UNC79: variants seen among roughly 807,000 people sequenced by gnomAD.
UNC79 encodes unc-79 subunit of NALCN channel complex.
Under a neutral mutation model 283.1 loss-of-function variants are expected in UNC79, and 37 were observed. The ratio of observed to expected loss-of-function variants is 0.13; its 90% CI spans 0.10 to 0.17. The LOEUF is 0.17. Ranked by LOEUF, UNC79 falls within the 10% of genes least tolerant of loss-of-function variation. UNC79 has a pLI of 1.00. For missense variants in UNC79, 2,272 were observed against 3,211.1 expected, an observed-to-expected ratio of 0.71 and a Z score of 7.07; for synonymous variants, 1,107 against 1,200.2, an observed-to-expected ratio of 0.92 and a Z score of 1.61.
chr14:93,455,673 A>G (rs976175813), intron 1 of UNC79, among the ~76,000 whole-genome samples: 1 of 152,184 alleles, frequency 6.6e-6, no homozygotes, highest in Non-Finnish European at 1.5e-5. Flanking sequence ...TTTATTATCT[A>G]CTATGTGCTA....
chr14:93,596,918 A>G (rs1429122621), intron 23 of UNC79, among the ~76,000 whole-genome samples: 1 of 152,162 alleles, frequency 6.6e-6, no homozygotes, highest in Non-Finnish European at 1.5e-5. Context: ...ACCACGACCT[A>G]CTAAGAGTAG....
At chr14:93,489,730 A>C (rs1420712107) in intron 5 of UNC79, among the ~76,000 whole-genome samples, 4 of 152,186 alleles carry the variant, frequency 2.6e-5, no homozygotes, top group Non-Finnish European at 1.5e-5. Context: ...CCTGCATAGC[A>C]GCTTTGCCAT....
At chr14:93,489,766 G>A (rs1055079970) in intron 5 of UNC79, among the ~76,000 whole-genome samples, 13 of 152,218 alleles carry the variant, frequency 8.5e-5, no homozygotes, top group Non-Finnish European at 1.8e-4. Flanking sequence ...CCAAGACCCT[G>A]CCCCTGTGGC....
chr14:93,588,257 T>A (rs1005778010), intron 22 of UNC79, among the ~76,000 whole-genome samples: 3 of 151,990 alleles, frequency 2.0e-5, no homozygotes, highest in African/African-American at 7.3e-5. Flanking sequence ...TTTACTAGAA[T>A]GAGTATGGAG....
chr14:93,636,491 T>C (rs1026057129), intron 31 of UNC79, among the ~76,000 whole-genome samples: 3 of 152,186 alleles, frequency 2.0e-5, no homozygotes, highest in African/African-American at 7.2e-5. Context: ...CACATGTAGC[T>C]TCAGTAATTT....
chr14:93,356,535 G>A (rs1566888857), intron 1 of UNC79, among the ~76,000 whole-genome samples: 1 of 152,166 alleles, frequency 6.6e-6, no homozygotes, highest in Non-Finnish European at 1.5e-5. Flanking sequence ...CTTGATCTCT[G>A]TATTTCACCA....
At chr14:93,421,860 C>G (rs1363198139) in intron 1 of UNC79, among the ~76,000 whole-genome samples, 1 of 150,574 alleles carries the variant, frequency 6.6e-6, no homozygotes, top group East Asian at 2.0e-4. Flanking sequence ...AACATACACA[C>G]AAATCAATCA....
At chr14:93,390,143 TGA>T (rs2054856361) in intron 1 of UNC79, among the ~76,000 whole-genome samples, 1 of 152,234 alleles carries the variant, frequency 6.6e-6, no homozygotes, top group Non-Finnish European at 1.5e-5. Flanking sequence ...ATTCCTGAAA[TGA>T]AATATTTGTT....
chr14:93,661,653 TG>T (rs2071614777), intron 39 of UNC79, among the ~76,000 whole-genome samples: 1 of 152,228 alleles, frequency 6.6e-6, no homozygotes, highest in Non-Finnish European at 1.5e-5. Context: ...AGAGCAGGAA[TG>T]GATACTAAAG....
At chr14:93,563,781 G>A (rs1312202005) in intron 14 of UNC79, among the ~76,000 whole-genome samples, 1 of 152,154 alleles carries the variant, frequency 6.6e-6, no homozygotes, top group African/African-American at 2.4e-5. Context: ...GTAGTATCCA[G>A]AATAATGTGG....
chr14:93,363,709 C>A (rs1448729441), intron 1 of UNC79, among the ~76,000 whole-genome samples: 1 of 152,006 alleles, frequency 6.6e-6, no homozygotes, highest in South Asian at 2.1e-4. Flanking sequence ...CACTTTATAT[C>A]ACTATGTAAT....
At chr14:93,540,591 T>A in intron 12 of UNC79, 69 bp from the exon 13 acceptor site, 1 of 1,551,108 alleles carries the variant, frequency 6.4e-7, no homozygotes, top group Non-Finnish European at 8.7e-7. Flanking sequence ...AGGTACTTCC[T>A]CTGAATGGGT....
At chr14:93,638,940 A>G (rs1054566257) in intron 32 of UNC79, among the ~76,000 whole-genome samples, 1 of 152,224 alleles carries the variant, frequency 6.6e-6, no homozygotes, top group Admixed American at 6.5e-5. Context: ...TCAGTGTCCA[A>G]TAACTGAACC....
chr14:93,637,239 C>A (rs780840119), exon 32 of UNC79: 3 of 1,437,184 alleles, frequency 2.1e-6, no homozygotes, highest in Non-Finnish European at 2.9e-6. Context: ...TGGGAAACGC[C>A]AGTGTAACGT....
intron 1 of UNC79, among the ~76,000 whole-genome samples, chr14:93,422,494 T>A (rs1029009422): frequency 3.3e-5 from 5 of 152,096 alleles, no homozygotes; most frequent in Non-Finnish European, 7.4e-5. Flanking sequence ...AAGGAGGGCA[T>A]AATGAGGCAT....
At chr14:93,585,562 C>A (rs965894805) in intron 20 of UNC79, among the ~76,000 whole-genome samples, 1 of 152,192 alleles carries the variant, frequency 6.6e-6, no homozygotes, top group Admixed American at 6.5e-5. Flanking sequence ...TTTTCAGTAT[C>A]TAGATCAAGA....
At chr14:93,603,285 C>T (rs2142072808) in exon 26 of UNC79, 1 of 1,614,142 alleles carries the variant, frequency 6.2e-7, no homozygotes, top group East Asian at 2.2e-5. Flanking sequence ...GCGATGCAGC[C>T]TTATGGAAGA....
In UNC79 at chr14:93,617,095, C is replaced by T. The variant is rs1040786148; in HGVS notation, c.4042-27C>T. 16 of 1,573,298 alleles carry T rather than the reference C, an allele frequency of 1.0e-5. No individual in the cohort carries two copies. The highest frequency in any genetic ancestry group is 1.4e-5 in the Non-Finnish European group (16 of 1,154,750). On this transcript the variant is annotated intron_variant, in intron 27 of 48. Coordinates refer to ENST00000555664, the Ensembl canonical transcript of UNC79. The surrounding 1 kb of genome is among the most constrained non-coding windows in gnomAD (Gnocchi z 4.5). ...CTGAGTGTTCTTTGTAGTTTTCCATCAGTTATTAATATTTTTTCTATTTCA... is the reference window on the plus strand; with the variant it reads ...CTGAGTGTTCTTTGTAGTTTTCCATTAGTTATTAATATTTTTTCTATTTCA...
At position 93,690,275 on chromosome 14, in the gene UNC79, T is replaced by C. The variant is rs761440256; in HGVS notation, c.7244T>C (p.Ile2415Thr). The C allele has an allele frequency of 6.2e-7, 1 of 1,613,994 alleles. No individual in the cohort carries two copies. The highest frequency in any genetic ancestry group is 8.5e-7 in the Non-Finnish European group (1 of 1,179,980). The change falls in exon 45 of 49, where the codon ATC (isoleucine) becomes ACC (threonine). Residue 2415 changes from isoleucine (I) to threonine (T), a missense_variant. Ile to Thr is a moderately conservative substitution (Grantham distance 89). Around this residue, in one of 11 missense-constraint regions of UNC79, gnomAD observed 225 missense variants for 334.2 expected, o/e 0.67. Coordinates refer to ENST00000555664, the Ensembl canonical transcript of UNC79. The surrounding 1 kb of genome is among the most constrained non-coding windows in gnomAD (Gnocchi z 4.3). ...CACGTTGCAGACCATCTTATTGTTA[T>C]CCTGATTGGATTTCCAGAGCAATCA...
Sources: gnomAD v4.1 joint callset for allele counts (sites outside exome capture counted in the v4.1 genomes callset) on GRCh38, gnomAD v4.1.1 for gene constraint, gnomAD v4.1.1 regional missense constraint, Gnocchi (gnomAD v3.1) non-coding constraint, MANE v1.5 for transcripts, NCBI Gene and HGNC (gene_info 2026-07-23, HGNC 2026-07-21) for gene names.